Variants in SORBS2 observed in about 807,000 individuals in gnomAD.
SORBS2 encodes the protein sorbin and SH3 domain containing 2, also known as sorbin and SH3 domain-containing protein 2.
In SORBS2, 46 loss-of-function variants were observed where a neutral mutation model predicts 97.7. The ratio of observed to expected loss-of-function variants is 0.47; its 90% confidence interval spans 0.37 to 0.60. The LOEUF is 0.60. Ranked by LOEUF, SORBS2 falls within the 20% of genes least tolerant of loss-of-function variation. The pLI is 0.00. For synonymous variants in SORBS2, 476 were observed against 473.4 expected (o/e 1.01, Z -0.07); for missense variants, 1,316 against 1,282.3 (o/e 1.03, Z -0.40).
chr4:185,913,035 A>G (rs1392110952), intron 1 of SORBS2, among the ~76,000 whole-genome samples: 1 of 152,230 alleles, frequency 6.6e-6, no homozygotes, highest in South Asian at 2.1e-4. Context: ...CATTTGCTAA[A>G]GTGCTGCAGG....
At chr4:185,662,199 G>T in exon 5 of SORBS2, 1 of 1,613,666 alleles carries the variant, frequency 6.2e-7, no homozygotes, top group South Asian at 1.1e-5. Context: ...GTAACTCATG[G>T]GACTCACGGC....
In SORBS2 at chr4:185,809,830, C is replaced by T. The variant is rs886446249; in HGVS notation, c.-337-34464G>A. ...CTATCAATGCAACAGGCACAGCAGT[C>T]GGGTGTGCCCTGGATATTTCTACAC... On this transcript the variant is annotated intron_variant, in intron 1 of 20. Transcript: ENST00000284776. Among the ~76,000 whole-genome samples, 3 of 152,162 alleles carry T rather than the reference C, an allele frequency of 2.0e-5. No individual in the cohort carries two copies. In the East Asian group the frequency reaches 5.8e-4, roughly 29 times the overall value.
rs1288947595 is a variant in SORBS2 at position 185,852,559 on chromosome 4, T to A, written c.-337-77193A>T. ...AGTGTTATGTTCCACGGTTTTGATATGGCTGTAGCTTTCTAGAGATTTCCT... is the reference window on the plus strand; with the variant it reads ...AGTGTTATGTTCCACGGTTTTGATAAGGCTGTAGCTTTCTAGAGATTTCCT... On this transcript the variant is annotated intron_variant, in intron 1 of 20. Coordinates refer to the SORBS2 transcript ENST00000284776. Among the ~76,000 whole-genome samples the A allele has an allele frequency of 2.0e-5, 3 of 152,242 alleles. No individual in the cohort carries two copies. In the East Asian group the frequency reaches 5.8e-4, roughly 29 times the overall value.
At chr4:185,846,256 C>T (rs6824581) in intron 1 of SORBS2, among the ~76,000 whole-genome samples, 7,793 of 152,212 alleles carry the variant, frequency 0.051, 241 homozygotes, top group African/African-American at 0.088. Flanking sequence ...AACAAATGGA[C>T]GCCTCTCAAA....
At chr4:185,783,159 G>A (rs1338386770) in intron 1 of SORBS2, among the ~76,000 whole-genome samples, 1 of 152,208 alleles carries the variant, frequency 6.6e-6, no homozygotes, top group Non-Finnish European at 1.5e-5. Flanking sequence ...GACGAATTAA[G>A]CCCAATGAAG....
chr4:185,774,586 A>G (rs2098990628), intron 2 of SORBS2: 1 of 152,152 alleles, frequency 6.6e-6, no homozygotes, highest in South Asian at 2.1e-4. Flanking sequence ...TCACATTGTC[A>G]CGTTAGAGAA....
At chr4:185,702,563 C>T (rs2098279426) in intron 2 of SORBS2, among the ~76,000 whole-genome samples, 3 of 152,144 alleles carry the variant, frequency 2.0e-5, no homozygotes, top group Admixed American at 2.0e-4. Flanking sequence ...AATATCCAGA[C>T]CATAGCACAC....
intron 4 of SORBS2, chr4:185,677,312 T>C: frequency 6.4e-7 from 1 of 1,552,308 alleles, no homozygotes; most frequent in East Asian, 2.4e-5. Context: ...TCCTCCGAGT[T>C]TGAGAATCTT....
chr4:185,747,434 A>G (rs1176545796), intron 2 of SORBS2, among the ~76,000 whole-genome samples: 1 of 152,260 alleles, frequency 6.6e-6, no homozygotes, highest in Non-Finnish European at 1.5e-5. Context: ...GCATTAGTCA[A>G]TAGTCAGTGA....
upstream of SORBS2, among the ~76,000 whole-genome samples, chr4:185,661,810 C>A (rs370071622): frequency 9.9e-4 from 151 of 152,330 alleles, no homozygotes; most frequent in African/African-American, 3.4e-3. Flanking sequence ...GCATTCATGT[C>A]CTCCAGTGGC....
chr4:185,827,090 C>CCAT (rs754301842), intron 1 of SORBS2, among the ~76,000 whole-genome samples: 2 of 128,276 alleles, frequency 1.6e-5, no homozygotes, highest in South Asian at 2.8e-4. Context: ...ACCATCATCA[C>CCAT]CATCATCATC....
At chr4:185,703,764 T>C (rs1346521656) in intron 2 of SORBS2, among the ~76,000 whole-genome samples, 1 of 152,246 alleles carries the variant, frequency 6.6e-6, no homozygotes, top group African/African-American at 2.4e-5. Context: ...GGAATTTGGA[T>C]GTTTACTTTA....
chr4:185,902,718 G>A (rs2099248396), intron 1 of SORBS2, among the ~76,000 whole-genome samples: 1 of 151,436 alleles, frequency 6.6e-6, no homozygotes, highest in Non-Finnish European at 1.5e-5. Context: ...AAAGAAAGGA[G>A]CAACATGCAT....
At chr4:185,786,715 AT>A (rs2099057645) in intron 1 of SORBS2, among the ~76,000 whole-genome samples, 1 of 152,174 alleles carries the variant, frequency 6.6e-6, no homozygotes, top group South Asian at 2.1e-4. Flanking sequence ...TAATCCCAGC[AT>A]TTTGGGAGGC....
At chr4:185,770,642 C>T (rs999609221) in intron 2 of SORBS2, among the ~76,000 whole-genome samples, 1 of 152,034 alleles carries the variant, frequency 6.6e-6, no homozygotes, top group African/African-American at 2.4e-5. Context: ...AAAGGGGAGA[C>T]TACTGCTGTT....
At chr4:185,800,426 GA>G (rs2099124731) in intron 1 of SORBS2, among the ~76,000 whole-genome samples, 1 of 152,188 alleles carries the variant, frequency 6.6e-6, no homozygotes, top group Admixed American at 6.5e-5. Flanking sequence ...GAACTTCCCT[GA>G]CTGTCCTTCT....
intron 1 of SORBS2, among the ~76,000 whole-genome samples, chr4:185,918,732 A>C (rs1446303725): frequency 1.3e-5 from 2 of 152,204 alleles, no homozygotes; most frequent in Admixed American, 1.3e-4. Context: ...CGGTCACAGC[A>C]CCGAAAATAG....
chr4:185,838,542 G>C (rs1204562310), intron 1 of SORBS2, among the ~76,000 whole-genome samples: 1 of 152,216 alleles, frequency 6.6e-6, no homozygotes, highest in African/African-American at 2.4e-5. Context: ...AGATGCAGTA[G>C]TTCCATTAGG....
intron 1 of SORBS2, among the ~76,000 whole-genome samples, chr4:185,893,407 A>G (rs537764476): frequency 1.3e-5 from 2 of 152,346 alleles, no homozygotes; most frequent in African/African-American, 4.8e-5. Flanking sequence ...CCCACCCACT[A>G]GCAGGGCTGG....
Sources: allele counts gnomAD v4.1 joint callset (sites outside exome capture counted in the v4.1 genomes callset), GRCh38; gene constraint gnomAD v4.1.1; transcripts MANE v1.5; gene names NCBI Gene and HGNC (gene_info 2026-07-23, HGNC 2026-07-21).